The following MYH10 variants were observed in gnomAD, a reference collection of about 807,000 sequenced individuals.
The protein encoded by MYH10 is myosin heavy chain 10.
MYH10 carries 55 observed loss-of-function variants against 257.8 expected under a neutral mutation model. The ratio of observed to expected loss-of-function variants is 0.21; its 90% CI spans 0.17 to 0.27. The LOEUF is 0.27. Ranked by LOEUF, MYH10 falls within the 10% of genes least tolerant of loss-of-function variation. MYH10 has a pLI of 1.00. For missense variants in MYH10, 1,631 were observed against 2,500.6 expected, an observed-to-expected ratio of 0.65 and a Z score of 7.42; for synonymous variants, 854 against 921.7, an observed-to-expected ratio of 0.93 and a Z score of 1.33.
At chr17:8,568,680 T>C (rs1446867139) in intron 7 of MYH10, among the ~76,000 whole-genome samples, 1 of 152,106 alleles carries the variant, frequency 6.6e-6, no homozygotes, top group Non-Finnish European at 1.5e-5. Context: ...AAGGGGTTTC[T>C]GAAACTTGAT....
At chr17:8,617,060 GA>G (rs963694230) in intron 2 of MYH10, among the ~76,000 whole-genome samples, 185 of 141,786 alleles carry the variant, frequency 1.3e-3, no homozygotes, top group South Asian at 7.3e-3. Flanking sequence ...TAGCCATATG[GA>G]AAAAAAAAAA....
rs1567925516 is a variant in MYH10, at chr17:8,575,698, T to TGCTTTATATCA, written c.663+934_663+944dup. On this transcript the variant is annotated intron_variant, in intron 6 of 42. Transcript: ENST00000360416. Reference sequence around the variant, plus strand: ...TCCATAACTCGATATTATTGTTTCTTGCTTTATATCAGCTTTATATCATTA... The same window carrying TGCTTTATATCA: ...TCCATAACTCGATATTATTGTTTCTTGCTTTATATCAGCTTTATATCAGCTTTATATCATTA... Among the ~76,000 whole-genome samples, 3 of 152,368 alleles carry TGCTTTATATCA rather than the reference T, an allele frequency of 2.0e-5. No homozygotes were observed. In the East Asian group the frequency reaches 5.8e-4, roughly 29 times the overall value.
chr17:8,601,671 T>G (rs983113089), intron 3 of MYH10, among the ~76,000 whole-genome samples: 3 of 152,222 alleles, frequency 2.0e-5, no homozygotes, highest in Non-Finnish European at 4.4e-5. Flanking sequence ...ATTCCATGCT[T>G]TTAATGAATG....
At chr17:8,603,997 G>A (rs1164648261) in intron 3 of MYH10, among the ~76,000 whole-genome samples, 3 of 152,118 alleles carry the variant, frequency 2.0e-5, no homozygotes, top group Non-Finnish European at 4.4e-5. Context: ...CTATCCTTCA[G>A]ACCTGATCAC....
rs186783490 is a variant in MYH10 at position 8,571,824 on chromosome 17, C to A, written c.664-2012G>T. Reference sequence around the variant, plus strand: ...TCGGTGATAGACTGCCTTCCTCCACCCCCCCGGGGTCAGCAGTCAGTTCCA... The same window carrying A: ...TCGGTGATAGACTGCCTTCCTCCACACCCCCGGGGTCAGCAGTCAGTTCCA... On this transcript the variant is annotated intron_variant, in intron 6 of 42. Transcript: ENST00000360416. 4.3e-3 allele frequency among the ~76,000 whole-genome samples: 658 copies of A among 152,108 alleles called. 8 individuals carry two copies. The highest frequency in any genetic ancestry group is 0.015 in the African/African-American group (611 of 41,498).
intron 7 of MYH10, chr17:8,560,811 C>T: frequency 1.7e-6 from 1 of 589,574 alleles, no homozygotes; most frequent in Non-Finnish European, 3.3e-6. Flanking sequence ...AGTTTTTCAC[C>T]TGTGTGGCCA....
chr17:8,520,796 G>T (rs925638718), intron 19 of MYH10, 82 bp downstream of exon 19: 124 of 1,435,852 alleles, frequency 8.6e-5, no homozygotes, highest in Non-Finnish European at 1.1e-4. Flanking sequence ...CAAGGAAAAA[G>T]ATTTCCTTAT....
chr17:8,616,379 C>T (rs574337564), intron 2 of MYH10, among the ~76,000 whole-genome samples: 4 of 151,882 alleles, frequency 2.6e-5, no homozygotes, highest in Admixed American at 2.6e-4. Flanking sequence ...TTCGGCTAAA[C>T]TATAATAACC....
rs1916008874 is a variant in MYH10, at chr17:8,492,934, C to A, written c.4300G>T (p.Ala1434Ser). ...AKKKLLKDAE[A>S]LSQRLEEKAL... ...TTCTCCTCCAGGCGCTGGCTCAGGGCCTCCGCGTCCTTCAGAAGCTTCTTC... is the reference window on the plus strand; with the variant it reads ...TTCTCCTCCAGGCGCTGGCTCAGGGACTCCGCGTCCTTCAGAAGCTTCTTC... The change falls in exon 33 of 43, where the codon GCC becomes TCC. Residue 1434 changes from alanine (A) to serine (S), a missense_variant. Ala to Ser is a moderately conservative substitution (Grantham distance 99). Around this residue, in one of 11 missense-constraint regions of MYH10, gnomAD observed 463 missense variants for 621.8 expected, o/e 0.74. Coordinates refer to ENST00000360416, the MANE Select transcript of MYH10 (RefSeq NM_001256012.3). The A allele has an allele frequency of 3.1e-6, 5 of 1,613,976 alleles. No homozygotes were observed. Among genetic ancestry groups the A allele is most frequent in the Non-Finnish European group, 4.2e-6 (5 of 1,180,036 alleles).
At position 8,474,575 on chromosome 17, in the gene MYH10, G is replaced by A. The variant is rs1912195121; in HGVS notation, c.*1229C>T. ...AATGTCTGTAATACCACTTTGACTAGAGAGGTACATGATATGAAGCACAGT... is the reference window on the plus strand; with the variant it reads ...AATGTCTGTAATACCACTTTGACTAAAGAGGTACATGATATGAAGCACAGT... On this transcript the variant is annotated 3_prime_UTR_variant, in exon 43 of 43. Transcript: ENST00000360416. The A allele has an allele frequency of 6.6e-6, 1 of 152,638 alleles. No individual in the cohort carries two copies. Among genetic ancestry groups the A allele is most frequent in the African/African-American group, 2.4e-5 (1 of 41,462 alleles). The allele number at this position is 152,638 out of a possible 1,614,324, so 9.5% of individuals were successfully genotyped here.
At chr17:8,598,229 C>A (rs2084458728) in intron 3 of MYH10, among the ~76,000 whole-genome samples, 1 of 152,214 alleles carries the variant, frequency 6.6e-6, no homozygotes, top group Admixed American at 6.5e-5. Flanking sequence ...ATCTCTTCTA[C>A]TTCTCCCATG....
chr17:8,581,580 T>C (rs2083707284), intron 4 of MYH10, among the ~76,000 whole-genome samples: 2 of 152,194 alleles, frequency 1.3e-5, no homozygotes, highest in South Asian at 2.1e-4. Context: ...AACTCTGCTA[T>C]AGAAAATATG....
rs74964660 is a variant in MYH10 at position 8,486,577 on chromosome 17, A to C, written c.5046+856T>G. On this transcript the variant is annotated intron_variant, in intron 36 of 42. Coordinates refer to ENST00000360416, the MANE Select transcript of MYH10 (RefSeq NM_001256012.3). ...AAAAAAAAAAAAAAAAAAAAAAAAA[A>C]AAATGGAAACAAGTTCCTACCAACC... Among the ~76,000 whole-genome samples the C allele has an allele frequency of 6.3e-4, 87 of 137,638 alleles. 13 individuals are homozygous for C. The highest frequency in any genetic ancestry group is 1.8e-3 in the African/African-American group (62 of 35,412). 90.3% of individuals were successfully genotyped at this position (137,638 alleles called of 152,430 possible).
At chr17:8,623,935 A>G (rs1358113559) in intron 1 of MYH10, among the ~76,000 whole-genome samples, 1 of 152,046 alleles carries the variant, frequency 6.6e-6, no homozygotes, top group Non-Finnish European at 1.5e-5. Flanking sequence ...TCAGGCCTCT[A>G]TTCCCATCCT....
Position 8,592,956 on chromosome 17 carries a change from T to C in MYH10, c.503-3848A>G, listed in dbSNP as rs867086098. Among the ~76,000 whole-genome samples, 299 of 116,756 alleles carry C rather than the reference T, an allele frequency of 2.6e-3. 29 individuals are homozygous for C. Among genetic ancestry groups the C allele is most frequent in the Middle Eastern group, 4.1e-3 (1 of 246 alleles). The allele number at this position is 116,756 out of a possible 152,430, so 76.6% of individuals were successfully genotyped here. ...AGCTATATATATATATATATATATA[T>C]ATATATATATATATAAAAGATGATG... On this transcript the variant is annotated intron_variant, in intron 3 of 42. Coordinates refer to ENST00000360416, the MANE Select transcript of MYH10 (RefSeq NM_001256012.3).
chr17:8,560,581 C>T (rs1057425689), intron 7 of MYH10: 12 of 848,066 alleles, frequency 1.4e-5, no homozygotes, highest in East Asian at 4.2e-5. Flanking sequence ...GGAAAACTTT[C>T]GTGCACTGAG....
intron 24 of MYH10, among the ~76,000 whole-genome samples, 190 bp from the exon 25 acceptor site, chr17:8,510,139 C>T (rs949912919): frequency 7.3e-5 from 11 of 150,202 alleles, no homozygotes; most frequent in African/African-American, 2.4e-4. Flanking sequence ...CCTGGGTTCA[C>T]GCCATTCTCC....
At chr17:8,529,264 T>A (rs1271958017) in intron 17 of MYH10, among the ~76,000 whole-genome samples, 1 of 152,222 alleles carries the variant, frequency 6.6e-6, no homozygotes, top group Admixed American at 6.5e-5. Flanking sequence ...GACTTAGTGA[T>A]GTTTTGCCTC....
rs747160171 is a variant in MYH10, at chr17:8,478,441, C to T, written c.5603G>A (p.Arg1868Gln). 9.3e-6 allele frequency: 15 copies of T among 1,614,076 alleles called. No homozygotes were observed. Among genetic ancestry groups the T allele is most frequent in the South Asian group, 2.2e-5 (2 of 91,088 alleles). The change falls in exon 41 of 43, where the codon CGA (arginine) becomes CAA (glutamine). Residue 1868 changes from arginine to glutamine, a missense_variant. By Grantham distance (43) the Arg-to-Gln change is conservative. Transcript: ENST00000360416. ...EEQLEQEAKERAAANKLVRRT... is the reference protein window; with the variant it reads ...EEQLEQEAKEQAAANKLVRRT... ...ACGGACTAATTTGTTGGCGGCTGCT[C>T]GTTCCCTGTGAAAGTGGTCACAGTA...
Sources: allele counts gnomAD v4.1 joint callset (sites outside exome capture counted in the v4.1 genomes callset), GRCh38; gene constraint gnomAD v4.1.1; regional missense constraint gnomAD v4.1.1; transcripts MANE v1.5; gene names NCBI Gene and HGNC (gene_info 2026-07-23, HGNC 2026-07-21).